The following GAB1 variants were observed in gnomAD, a reference collection of about 807,000 sequenced individuals.
GAB1 encodes GRB2-associated-binding protein 1.
GAB1 carries 19 observed loss-of-function variants against 66.5 expected under a neutral mutation model. The observed-to-expected ratio is 0.29, with a 90% CI of 0.20 to 0.42. The LOEUF (loss-of-function observed/expected upper bound fraction) is 0.42, where lower values mean the gene tolerates loss of function less well. GAB1 is among the 10% of genes least tolerant of loss of function. The pLI is 1.00. For synonymous variants in GAB1, 294 were observed against 301.4 expected (o/e 0.98, Z 0.25); for missense variants, 732 against 858.5 (o/e 0.85, Z 1.84).
In GAB1 at chr4:143,438,299, T is replaced by C. The variant is rs1371507969; in HGVS notation, c.894T>C (p.Thr298=). 4 of 1,613,736 alleles carry C rather than the reference T, an allele frequency of 2.5e-6. No individual in the cohort carries two copies. Among genetic ancestry groups the C allele is most frequent in the Non-Finnish European group, 3.4e-6 (4 of 1,179,856 alleles). ...NTPSGTSSVE[T]QMRHVSISYD... is the part of the protein sequence containing the mutation. ...CATCTGGGACATCGAGTGTAGAGAC[T>C]CAAATGAGGCATGTATCTATTAGTT... Residue 298 remains threonine, a synonymous_variant, in exon 4 of 10, where the codon ACT becomes ACC. Transcript: ENST00000262994.
intron 1 of GAB1, among the ~76,000 whole-genome samples, chr4:143,413,380 C>T (rs10023724): frequency 0.065 from 9,844 of 152,210 alleles, 417 homozygotes; most frequent in African/African-American, 0.11. Context: ...GTGAATCCAA[C>T]ACTTTATGAC....
chr4:143,458,233 C>A (rs1430173783), intron 6 of GAB1, among the ~76,000 whole-genome samples: 1 of 152,106 alleles, frequency 6.6e-6, no homozygotes, highest in Non-Finnish European at 1.5e-5. Context: ...GAAATACTTT[C>A]ACTCAGCGGA....
intron 2 of GAB1, among the ~76,000 whole-genome samples, chr4:143,431,898 G>C (rs529115796): frequency 2.0e-4 from 30 of 151,970 alleles, no homozygotes; most frequent in African/African-American, 6.8e-4. Context: ...GAAAGAAGAA[G>C]CAGTTTTCCT....
intron 1 of GAB1, among the ~76,000 whole-genome samples, chr4:143,396,629 C>T (rs1731468831): frequency 1.3e-5 from 2 of 152,118 alleles, no homozygotes; most frequent in Non-Finnish European, 1.5e-5. Context: ...CATATATAAG[C>T]ATATTATTTG....
chr4:143,385,654 G>C (rs1439082320), intron 1 of GAB1, among the ~76,000 whole-genome samples: 1 of 152,172 alleles, frequency 6.6e-6, no homozygotes, highest in Non-Finnish European at 1.5e-5. Flanking sequence ...AAGTTGTACA[G>C]ATCATTTTCA....
chr4:143,441,183 G>T (rs1030252195), intron 6 of GAB1, among the ~76,000 whole-genome samples: 7 of 152,034 alleles, frequency 4.6e-5, no homozygotes, highest in African/African-American at 1.7e-4. Flanking sequence ...AGCCAAATTG[G>T]GTAATGCCTA....
intron 1 of GAB1, among the ~76,000 whole-genome samples, chr4:143,378,056 T>A (rs985332367): frequency 1.3e-5 from 2 of 152,222 alleles, no homozygotes; most frequent in African/African-American, 2.4e-5. Context: ...CGCTTTGCCG[T>A]ACAAGGGGCA....
intron 1 of GAB1, among the ~76,000 whole-genome samples, chr4:143,370,652 ACTCGTCATTTACATTAGGTATAT>A (rs1218619986): frequency 2.0e-5 from 3 of 151,874 alleles, no homozygotes; most frequent in Admixed American, 6.6e-5. Context: ...GCACCCATTA[ACTCGTCATTTACATTAGGTATAT>A]CTCCTAATGC....
At chr4:143,358,045 C>T (rs1311561520) in intron 1 of GAB1, among the ~76,000 whole-genome samples, 2 of 152,030 alleles carry the variant, frequency 1.3e-5, no homozygotes, top group East Asian at 1.9e-4. Flanking sequence ...AAACTAAGAA[C>T]CTAGGAAAGA....
At chr4:143,374,419 A>C (rs1448976710) in intron 1 of GAB1, among the ~76,000 whole-genome samples, 2 of 152,236 alleles carry the variant, frequency 1.3e-5, no homozygotes, top group Non-Finnish European at 2.9e-5. Flanking sequence ...CTGCAGAGAA[A>C]AGGCTAAATC....
chr4:143,414,482 A>C (rs1394976329), intron 1 of GAB1, among the ~76,000 whole-genome samples: 1 of 152,126 alleles, frequency 6.6e-6, no homozygotes, highest in Non-Finnish European at 1.5e-5. Flanking sequence ...TTGCCCATGT[A>C]TGTTTGTTGG....
chr4:143,413,824 C>CCTTTTTTTTTTT (rs61697817), intron 1 of GAB1, among the ~76,000 whole-genome samples: 11 of 67,824 alleles, frequency 1.6e-4, no homozygotes, highest in African/African-American at 9.4e-4. Context: ...CCCCGCTGCC[C>CCTTTTTTTTTTT]TTTTTTTTTT....
At chr4:143,434,961 C>G (rs28925900) in intron 3 of GAB1, among the ~76,000 whole-genome samples, 1 of 152,092 alleles carries the variant, frequency 6.6e-6, no homozygotes, top group African/African-American at 2.4e-5. Context: ...ATTAGTGATA[C>G]CAGTCAACTG....
intron 1 of GAB1, among the ~76,000 whole-genome samples, chr4:143,396,283 T>C (rs188809995): frequency 1.7e-3 from 253 of 152,324 alleles, no homozygotes; most frequent in African/African-American, 5.8e-3. Context: ...GGTTTTAAGC[T>C]CTTTAACTCA....
intron 1 of GAB1, among the ~76,000 whole-genome samples, chr4:143,359,150 G>A (rs996414470): frequency 3.9e-5 from 6 of 152,184 alleles, no homozygotes; most frequent in African/African-American, 1.4e-4. Flanking sequence ...AACCCCAGCT[G>A]TCAGGTGCCC....
intron 1 of GAB1, among the ~76,000 whole-genome samples, chr4:143,385,836 A>G (rs986084731): frequency 6.6e-6 from 1 of 152,196 alleles, no homozygotes. Flanking sequence ...AATTAAGTAT[A>G]GTTTGTAAAT....
chr4:143,364,313 C>G (rs1729782520), intron 1 of GAB1, among the ~76,000 whole-genome samples: 1 of 152,100 alleles, frequency 6.6e-6, no homozygotes, highest in South Asian at 2.1e-4. Context: ...ATCTCCTGAC[C>G]ATTTATGCTA....
At chr4:143,447,186 T>G (rs1227517057) in intron 6 of GAB1, among the ~76,000 whole-genome samples, 1 of 152,122 alleles carries the variant, frequency 6.6e-6, no homozygotes, top group Non-Finnish European at 1.5e-5. Context: ...CATGCTGTTT[T>G]GGTTACTGTA....
At chr4:143,431,107 A>G (rs1325281846) in intron 2 of GAB1, among the ~76,000 whole-genome samples, 4 of 152,168 alleles carry the variant, frequency 2.6e-5, no homozygotes, top group Admixed American at 2.6e-4. Flanking sequence ...GACAACACAT[A>G]TATAGCTACA....
Sources: allele counts gnomAD v4.1 joint callset (sites outside exome capture counted in the v4.1 genomes callset), GRCh38; gene constraint gnomAD v4.1.1; transcripts MANE v1.5; gene names NCBI Gene and HGNC (gene_info 2026-07-23, HGNC 2026-07-21).